Variants in NDE1 observed in about 807,000 individuals in gnomAD.
The protein encoded by NDE1 is nudE neurodevelopment protein 1, also known as nuclear distribution protein nudE homolog 1.
NDE1 carries 28 observed loss-of-function variants against 43.4 expected under a neutral mutation model. That is an observed-to-expected ratio of 0.65 (90% CI 0.48 to 0.89). The LOEUF (loss-of-function observed/expected upper bound fraction) is 0.89. NDE1 is among the 40% of genes least tolerant of loss of function. NDE1 has a pLI of 0.00. For synonymous variants in NDE1, 184 were observed against 172.0 expected (o/e 1.07, Z -0.55); for missense variants, 441 against 434.1 (o/e 1.02, Z -0.14).
intron 4 of NDE1, 82 bp from the exon 5 acceptor site, chr16:15,687,293 C>T (rs757016867): frequency 5.0e-6 from 8 of 1,608,254 alleles, no homozygotes; most frequent in Non-Finnish European, 8.5e-7. Context: ...GTGTGTCTGA[C>T]CCTTCGCACC....
In NDE1 at chr16:15,651,968, CAT is replaced by C. The variant is rs1350621417; in HGVS notation, c.-44+1675_-44+1676del. Reference sequence around the variant, plus strand: ...TCTTGTCCAGGCTGGAGTGCAGTGGCATGATCTCGACTCACTGCAACCTCAGT... The same window carrying C: ...TCTTGTCCAGGCTGGAGTGCAGTGGCGATCTCGACTCACTGCAACCTCAGT... On this transcript the variant is annotated intron_variant, in intron 1 of 8. Transcript: ENST00000396354. 9.2e-5 allele frequency: 14 copies of C among 151,886 alleles called. No homozygotes were observed. In the East Asian group the frequency reaches 2.7e-3, roughly 30 times the overall value. 9.4% of individuals were successfully genotyped at this position (151,886 alleles called of 1,614,324 possible).
chr16:15,678,904 G>A (rs1023039267), intron 4 of NDE1, among the ~76,000 whole-genome samples: 11 of 151,860 alleles, frequency 7.2e-5, no homozygotes, highest in Admixed American at 2.0e-4. Flanking sequence ...GTGAAAACCC[G>A]TCTCTACTAA....
intron 8 of NDE1, chr16:15,720,041 C>G (rs2040383037): frequency 1.4e-6 from 2 of 1,444,040 alleles, no homozygotes; most frequent in Non-Finnish European, 1.9e-6. Flanking sequence ...TGAACCCACA[C>G]CAATGGCAGG....
At chr16:15,690,123 C>T (rs1444995884) in intron 5 of NDE1, among the ~76,000 whole-genome samples, 1 of 151,830 alleles carries the variant, frequency 6.6e-6, no homozygotes, top group East Asian at 1.9e-4. Context: ...TCACTGCACT[C>T]ACTGCTTGTC....
In NDE1 at chr16:15,694,336, C is replaced by T. The variant is rs553234967; in HGVS notation, c.795+80C>T. 1.3e-5 allele frequency: 21 copies of T among 1,567,288 alleles called. No individual in the cohort carries two copies. In the South Asian group the frequency reaches 2.2e-4, roughly 17 times the overall value. On this transcript the variant is annotated intron_variant, in intron 7 of 8. Coordinates refer to ENST00000396354, the MANE Select transcript of NDE1 (RefSeq NM_017668.3). ...GTGAAGGGGGTTGATCTAGTTCCTT[C>T]CCTCTCTTCTTTTTTTCTTTTTTTT...
At chr16:15,688,050 C>T (rs1439276196) in intron 5 of NDE1, among the ~76,000 whole-genome samples, 3 of 152,038 alleles carry the variant, frequency 2.0e-5, no homozygotes, top group Non-Finnish European at 2.9e-5. Flanking sequence ...ATGGCATGTG[C>T]CTGTAGTCCC....
chr16:15,708,409 C>T (rs2039584520), intron 8 of NDE1, among the ~76,000 whole-genome samples: 1 of 152,188 alleles, frequency 6.6e-6, no homozygotes, highest in African/African-American at 2.4e-5. Context: ...TCATTCAGTG[C>T]AGTGTCTTCA....
At chr16:15,715,385 C>A in intron 8 of NDE1, 3 of 914,140 alleles carry the variant, frequency 3.3e-6, no homozygotes, top group Non-Finnish European at 5.4e-6. Flanking sequence ...TATCTGGACT[C>A]CTCTCAAGAA....
chr16:15,700,961 C>T (rs903606872), intron 8 of NDE1, among the ~76,000 whole-genome samples: 6 of 151,988 alleles, frequency 3.9e-5, no homozygotes, highest in Non-Finnish European at 7.4e-5. Flanking sequence ...ATAGGCTGGG[C>T]GCGGTGGCTC....
upstream of NDE1, among the ~76,000 whole-genome samples, chr16:15,646,578 CAAAA>C (rs891723979): frequency 2.0e-5 from 3 of 148,216 alleles, no homozygotes; most frequent in African/African-American, 7.5e-5. Context: ...GAGACTCCGT[CAAAA>C]AAAAGAAAAA....
In NDE1 at chr16:15,667,267, A is replaced by AT; in HGVS notation, c.84-17dup. ...TCTTCAAAAATATTACTACGTGATG[A>AT]TTAACAATTTTGCTGTAGGGCAGAA... On this transcript the variant is annotated intron_variant, in intron 2 of 8. Transcript: ENST00000396354. 6.2e-7 allele frequency: 1 copy of AT among 1,614,038 alleles called. No homozygotes were observed. The highest frequency in any genetic ancestry group is 1.1e-5 in the South Asian group (1 of 91,084).
At chr16:15,686,585 G>A (rs2038449596) in intron 4 of NDE1, 11 of 974,290 alleles carry the variant, frequency 1.1e-5, no homozygotes, top group Non-Finnish European at 1.3e-5. Context: ...GGCTGAGGCG[G>A]GAGGATCTCT....
chr16:15,721,899 C>A (rs2040506674), intron 8 of NDE1, among the ~76,000 whole-genome samples: 1 of 151,966 alleles, frequency 6.6e-6, no homozygotes, highest in Non-Finnish European at 1.5e-5. Context: ...ACTTTGTCAC[C>A]CAGGCTGGAG....
chr16:15,689,790 A>G (rs1381394442), intron 5 of NDE1, among the ~76,000 whole-genome samples: 1 of 151,882 alleles, frequency 6.6e-6, no homozygotes, highest in African/African-American at 2.4e-5. Flanking sequence ...AAATACAAAA[A>G]TTAGCCAGGT....
chr16:15,706,561 GC>G (rs775967961), intron 8 of NDE1, among the ~76,000 whole-genome samples: 99 of 152,090 alleles, frequency 6.5e-4, no homozygotes, highest in Non-Finnish European at 1.4e-3. Flanking sequence ...TACTAAATTA[GC>G]CGTGCGTGGT....
upstream of NDE1, among the ~76,000 whole-genome samples, chr16:15,648,066 A>T (rs1316873251): frequency 6.6e-6 from 1 of 151,374 alleles, no homozygotes; most frequent in Non-Finnish European, 1.5e-5. Flanking sequence ...AATAATATAT[A>T]TATTTTTAGT....
In NDE1 at chr16:15,714,519, A is replaced by AGC. The variant is rs577466373; in HGVS notation, c.948-9671_948-9670dup. Reference sequence around the variant, plus strand: ...GCAGTGCTGAGGGGGAGAAAGGAGGAGCAGAGCATGTCAGGAAGGAGGTGA... The same window carrying AGC: ...GCAGTGCTGAGGGGGAGAAAGGAGGAGCGCAGAGCATGTCAGGAAGGAGGTGA... On this transcript the variant is annotated intron_variant, in intron 8 of 8. Coordinates refer to ENST00000396354, the MANE Select transcript of NDE1 (RefSeq NM_017668.3). The AGC allele has an allele frequency of 3.9e-3, 1,368 of 349,712 alleles. 8 individuals are homozygous for AGC. Among genetic ancestry groups the AGC allele is most frequent in the Admixed American group, 7.3e-3 (174 of 23,744 alleles). 21.7% of individuals were successfully genotyped at this position (349,712 alleles called of 1,614,324 possible).
chr16:15,708,590 G>A (rs1389445560), intron 8 of NDE1, among the ~76,000 whole-genome samples: 1 of 152,236 alleles, frequency 6.6e-6, no homozygotes. Flanking sequence ...CCAGAGGCAG[G>A]AAGGACAGTG....
intron 8 of NDE1, chr16:15,700,023 T>G: frequency 8.4e-7 from 1 of 1,185,460 alleles, no homozygotes; most frequent in Non-Finnish European, 1.1e-6. Context: ...TTTTCATCCT[T>G]ACCTGCCACC....
Sources: allele counts gnomAD v4.1 joint callset (sites outside exome capture counted in the v4.1 genomes callset), GRCh38; gene constraint gnomAD v4.1.1; transcripts MANE v1.5; gene names NCBI Gene and HGNC (gene_info 2026-07-23, HGNC 2026-07-21).